Variants in TMEM132B observed in about 807,000 individuals in gnomAD.
TMEM132B encodes transmembrane protein 132B.
A neutral mutation model predicts 90.8 loss-of-function variants in TMEM132B; 18 were observed. The ratio of observed to expected loss-of-function variants is 0.20; its 90% CI spans 0.14 to 0.29. The LOEUF (loss-of-function observed/expected upper bound fraction) is 0.29, where lower values mean the gene tolerates loss of function less well. TMEM132B is among the 10% of genes least tolerant of loss of function. The pLI, the probability that TMEM132B is intolerant of heterozygous loss-of-function variation, is 1.00. For missense variants in TMEM132B, 1,096 were observed against 1,326.8 expected, an observed-to-expected ratio of 0.83 and a Z score of 2.70; for synonymous variants, 504 against 523.3, an observed-to-expected ratio of 0.96 and a Z score of 0.50.
intron 2 of TMEM132B, among the ~76,000 whole-genome samples, chr12:125,353,121 T>C (rs1344897037): frequency 6.6e-6 from 1 of 152,194 alleles, no homozygotes; most frequent in East Asian, 1.9e-4. Flanking sequence ...TCACTGCCTC[T>C]GCCTCTCAGC....
At chr12:125,521,253 T>C (rs1592971879) in intron 4 of TMEM132B, among the ~76,000 whole-genome samples, 1 of 152,120 alleles carries the variant, frequency 6.6e-6, no homozygotes, top group African/African-American at 2.4e-5. Flanking sequence ...CTTCCCCTCC[T>C]TCTCTTTCTC....
At position 125,612,377 on chromosome 12, in the gene TMEM132B, C is replaced by T. The variant is rs566599151; in HGVS notation, c.1437+28383C>T. On this transcript the variant is annotated intron_variant, in intron 5 of 8. Transcript: ENST00000682704. Reference sequence around the variant, plus strand: ...ACTCAGGAGGCTGAGGCAGGAGAATCGCTTGAACCCGGGAGGTGGAGGTTG... The same window carrying T: ...ACTCAGGAGGCTGAGGCAGGAGAATTGCTTGAACCCGGGAGGTGGAGGTTG... Among the ~76,000 whole-genome samples, 101 of 151,696 alleles carry T rather than the reference C, an allele frequency of 6.7e-4. 1 individual carries two copies. In the South Asian group the frequency reaches 0.013, roughly 19 times the overall value.
intron 3 of TMEM132B, among the ~76,000 whole-genome samples, chr12:125,422,117 A>G (rs1263336625): frequency 2.0e-5 from 3 of 152,198 alleles, no homozygotes; most frequent in East Asian, 1.9e-4. Flanking sequence ...GAAAAACCAT[A>G]TGGCTCTTGT....
intron 1 of TMEM132B, among the ~76,000 whole-genome samples, chr12:125,341,565 A>G (rs113489010): frequency 0.021 from 3,189 of 152,266 alleles, 113 homozygotes; most frequent in African/African-American, 0.073. Context: ...TTGCTGGCAC[A>G]TGATCCAAGA....
chr12:125,656,958 C>T lies in TMEM132B; in HGVS notation c.*2248C>T, dbSNP rs1270079562. On this transcript the variant is annotated 3_prime_UTR_variant, in exon 9 of 9. Coordinates refer to ENST00000682704, the MANE Select transcript of TMEM132B (RefSeq NM_001366854.1). ...GGTCCTGCCCACTGGTAAAGTGAGA[C>T]GTTGGGTAGGGGGTGTAACTGGGGA... The T allele has an allele frequency of 6.6e-6, 1 of 152,160 alleles. No homozygotes were observed. Among genetic ancestry groups the T allele is most frequent in the African/African-American group, 2.4e-5 (1 of 41,418 alleles). The allele number at this position is 152,160 out of a possible 1,614,324, so 9.4% of individuals were successfully genotyped here.
intron 3 of TMEM132B, among the ~76,000 whole-genome samples, chr12:125,489,699 G>A (rs1329157354): frequency 1.3e-5 from 2 of 152,094 alleles, no homozygotes; most frequent in African/African-American, 2.4e-5. Flanking sequence ...GTCATGATCC[G>A]CCATGCCAGG....
chr12:125,545,722 G>A (rs143362749), intron 4 of TMEM132B, among the ~76,000 whole-genome samples: 39 of 152,334 alleles, frequency 2.6e-4, no homozygotes, highest in Middle Eastern at 3.4e-3. Context: ...GGGAGAGGCT[G>A]CCTAGGAGTG....
At chr12:125,360,573 GC>G (rs1877928221) in intron 2 of TMEM132B, among the ~76,000 whole-genome samples, 1 of 152,176 alleles carries the variant, frequency 6.6e-6, no homozygotes, top group African/African-American at 2.4e-5. Context: ...GGTCTGGAAG[GC>G]TTTGAGGAAA....
In TMEM132B at chr12:125,186,838, G is replaced by C. The variant is rs919125956; in HGVS notation, c.39G>C (p.Leu13=). Reference sequence around the variant, plus strand: ...GCCGGGCGCCGCCGCTCGGGCTCCTGCTGGCGCTGACTGCGCTCCAGTGCC... The same window carrying C: ...GCCGGGCGCCGCCGCTCGGGCTCCTCCTGGCGCTGACTGCGCTCCAGTGCC... ...PPGRAPPLGL[L]LALTALQCPV... The change falls in exon 1 of 9, where the codon CTG becomes CTC. Residue 13 remains leucine, a synonymous_variant. Coordinates refer to ENST00000682704, the MANE Select transcript of TMEM132B (RefSeq NM_001366854.1). The surrounding 1 kb of genome is among the most constrained non-coding windows in gnomAD (Gnocchi z 6.3). The C allele has an allele frequency of 2.0e-5, 3 of 151,988 alleles. No homozygotes were observed. The highest frequency in any genetic ancestry group is 2.0e-4 in the Admixed American group (3 of 15,254). 9.4% of individuals were successfully genotyped at this position (151,988 alleles called of 1,614,324 possible). A position where few individuals can be genotyped will look rare whatever the true frequency, so the allele number is the denominator to read the frequency against.
chr12:125,578,929 G>A lies in TMEM132B; in HGVS notation c.1294-4922G>A, dbSNP rs150261624. On this transcript the variant is annotated intron_variant, in intron 4 of 8. Transcript: ENST00000682704. The stretch of plus-strand genomic sequence containing the variant: ...GATGTATCTAGGTGCGGATCTCTCT[G>A]AGTTTATTCTATTTTGAGTTCGCTG... Among the ~76,000 whole-genome samples, 941 of 152,232 alleles carry A rather than the reference G, an allele frequency of 6.2e-3. 13 individuals carry two copies. Among genetic ancestry groups the A allele is most frequent in the African/African-American group, 0.02 (846 of 41,542 alleles).
intron 3 of TMEM132B, among the ~76,000 whole-genome samples, chr12:125,496,670 G>A (rs1882569947): frequency 6.6e-6 from 1 of 152,170 alleles, no homozygotes. Context: ...GTCACTCCCT[G>A]CCTTTGCCAG....
intron 4 of TMEM132B, among the ~76,000 whole-genome samples, chr12:125,545,427 A>G (rs76091269): frequency 0.017 from 2,630 of 152,286 alleles, 84 homozygotes; most frequent in African/African-American, 0.06. Flanking sequence ...CAACCGGAAC[A>G]CACCAGTGTG....
chr12:125,537,397 A>G (rs978788602), intron 4 of TMEM132B, among the ~76,000 whole-genome samples: 1 of 152,232 alleles, frequency 6.6e-6, no homozygotes, highest in African/African-American at 2.4e-5. Flanking sequence ...AGAAAGACTC[A>G]TTAAAGCCAC....
intron 3 of TMEM132B, among the ~76,000 whole-genome samples, 193 bp from the exon 4 acceptor site, chr12:125,519,246 G>T (rs550684468): frequency 6.6e-6 from 1 of 152,218 alleles, no homozygotes; most frequent in African/African-American, 2.4e-5. Context: ...GAGACGGATC[G>T]TCAGCCTATT....
intron 1 of TMEM132B, among the ~76,000 whole-genome samples, chr12:125,337,004 T>C (rs1464372521): frequency 6.6e-6 from 1 of 152,214 alleles, no homozygotes; most frequent in Non-Finnish European, 1.5e-5. Context: ...GTGGTACCTA[T>C]AGGAGGTCAA....
intron 4 of TMEM132B, among the ~76,000 whole-genome samples, chr12:125,541,855 TA>T (rs1281881340): frequency 3.3e-5 from 5 of 149,456 alleles, no homozygotes; most frequent in Admixed American, 6.7e-5. Flanking sequence ...CCGTCTCTAC[TA>T]AAAAAAAATA....
At chr12:125,644,308 A>G in intron 6 of TMEM132B, 27 bp downstream of exon 6, 1 of 1,612,000 alleles carries the variant, frequency 6.2e-7, no homozygotes, top group Non-Finnish European at 8.5e-7. Context: ...AAGGCTGTGG[A>G]TCCGATTGTC....
At chr12:125,506,011 G>T (rs557388281) in intron 3 of TMEM132B, among the ~76,000 whole-genome samples, 148 of 152,160 alleles carry the variant, frequency 9.7e-4, no homozygotes, top group Middle Eastern at 3.2e-3. Context: ...CTTACTTCTA[G>T]GTATTGCATT....
chr12:125,517,165 CTCT>C (rs1883180582), intron 3 of TMEM132B, among the ~76,000 whole-genome samples: 1 of 149,940 alleles, frequency 6.7e-6, no homozygotes, highest in East Asian at 1.9e-4. Context: ...TTCTCTCTCT[CTCT>C]TTTTTTTTTT....
Sources: allele counts gnomAD v4.1 joint callset (sites outside exome capture counted in the v4.1 genomes callset), GRCh38; gene constraint gnomAD v4.1.1; non-coding constraint Gnocchi (gnomAD v3.1); transcripts MANE v1.5; gene names NCBI Gene and HGNC (gene_info 2026-07-23, HGNC 2026-07-21).